Variants in ASIC2 observed in about 807,000 individuals in gnomAD.
ASIC2 encodes the protein acid-sensing ion channel 2.
A neutral mutation model predicts 57.3 loss-of-function variants in ASIC2; 25 were observed. The observed-to-expected ratio is 0.44, with a 90% CI of 0.32 to 0.61. ASIC2 has a LOEUF of 0.61. ASIC2 is among the 20% of genes least tolerant of loss of function. The pLI is 0.06. For synonymous variants in ASIC2, 319 were observed against 307.5 expected, an observed-to-expected ratio of 1.04 and a Z score of -0.39; for missense variants, 641 against 738.1, an observed-to-expected ratio of 0.87 and a Z score of 1.52.
intron 1 of ASIC2, among the ~76,000 whole-genome samples, chr17:33,594,390 A>G (rs2142006442): frequency 6.6e-6 from 1 of 152,376 alleles, no homozygotes; most frequent in East Asian, 1.9e-4. Flanking sequence ...AGTGAAGGTC[A>G]ACATTGTCTA....
intron 1 of ASIC2, among the ~76,000 whole-genome samples, chr17:33,418,723 T>C (rs1372730491): frequency 6.6e-6 from 1 of 152,202 alleles, no homozygotes; most frequent in Non-Finnish European, 1.5e-5. Context: ...TCCATTGGTC[T>C]ATATCTCTGT....
chr17:33,273,379 A>G (rs930229519), intron 1 of ASIC2, among the ~76,000 whole-genome samples: 1 of 152,210 alleles, frequency 6.6e-6, no homozygotes, highest in African/African-American at 2.4e-5. Flanking sequence ...CAAGATAGTA[A>G]GCAATCCCCT....
At chr17:33,860,230 C>T (rs182967466) in intron 1 of ASIC2, among the ~76,000 whole-genome samples, 2 of 152,212 alleles carry the variant, frequency 1.3e-5, no homozygotes, top group East Asian at 1.9e-4. Context: ...AAATGGGAGG[C>T]CTTCACCTTC....
At chr17:33,779,463 T>C (rs1165125738) in intron 1 of ASIC2, among the ~76,000 whole-genome samples, 1 of 152,224 alleles carries the variant, frequency 6.6e-6, no homozygotes, top group East Asian at 1.9e-4. Context: ...CTAGCTAACG[T>C]GCAGCTTAAT....
chr17:33,121,848 G>A (rs2092303879), intron 1 of ASIC2, among the ~76,000 whole-genome samples: 1 of 152,164 alleles, frequency 6.6e-6, no homozygotes, highest in Non-Finnish European at 1.5e-5. Context: ...GTGACTGAGA[G>A]GAGTTAGCAT....
chr17:33,375,578 G>T (rs1909246623), intron 1 of ASIC2, among the ~76,000 whole-genome samples: 1 of 152,204 alleles, frequency 6.6e-6, no homozygotes, highest in African/African-American at 2.4e-5. Context: ...CTGCTGTGTG[G>T]ACTGACTACA....
chr17:33,996,255 C>T (rs183501740), intron 1 of ASIC2, among the ~76,000 whole-genome samples: 34 of 152,246 alleles, frequency 2.2e-4, no homozygotes, highest in African/African-American at 7.0e-4. Flanking sequence ...ATATTAACCC[C>T]TTATCAGATG....
chr17:33,990,750 C>T (rs549652832), intron 1 of ASIC2, among the ~76,000 whole-genome samples: 8 of 152,206 alleles, frequency 5.3e-5, no homozygotes, highest in African/African-American at 1.9e-4. Flanking sequence ...ATGCAAGAGG[C>T]ATAAAGGGTG....
chr17:33,570,541 T>C (rs192485167), intron 1 of ASIC2, among the ~76,000 whole-genome samples: 16 of 152,370 alleles, frequency 1.1e-4, no homozygotes, highest in Admixed American at 1.3e-4. Flanking sequence ...CCAAATTTGA[T>C]GAGCATTTTC....
intron 1 of ASIC2, among the ~76,000 whole-genome samples, chr17:33,952,750 G>A (rs1054650305): frequency 6.6e-6 from 1 of 152,022 alleles, no homozygotes; most frequent in African/African-American, 2.4e-5. Context: ...TTGATAATGG[G>A]AAAAAAGTAA....
chr17:33,264,695 C>T (rs1043955107), intron 1 of ASIC2, among the ~76,000 whole-genome samples: 2 of 152,240 alleles, frequency 1.3e-5, no homozygotes, highest in Admixed American at 6.5e-5. Context: ...CACCTGAAAG[C>T]TCTGTGGGTT....
intron 1 of ASIC2, among the ~76,000 whole-genome samples, chr17:34,091,195 C>G (rs1910317861): frequency 6.6e-6 from 1 of 152,250 alleles, no homozygotes; most frequent in South Asian, 2.1e-4. Flanking sequence ...AATCTCAAAA[C>G]AGACCTGAGA....
At chr17:33,791,177 A>G (rs1911758823) in intron 1 of ASIC2, among the ~76,000 whole-genome samples, 2 of 152,182 alleles carry the variant, frequency 1.3e-5, no homozygotes, top group Admixed American at 1.3e-4. Flanking sequence ...ATGAGGATTT[A>G]TGTCAAAGTC....
At position 34,088,003 on chromosome 17, in the gene ASIC2, G is replaced by C. The variant is rs1014356145; in HGVS notation, c.555+67975C>G. The stretch of plus-strand genomic sequence containing the variant: ...GGTTTGAATTTCCTCCTGTAGCTTG[G>C]AGTAGTTTGATCATCTGAAGCCTTC... On this transcript the variant is annotated intron_variant, in intron 1 of 9. Coordinates refer to the ASIC2 transcript ENST00000359872. 4.6e-5 allele frequency among the ~76,000 whole-genome samples: 7 copies of C among 152,236 alleles called. No homozygotes were observed. The East Asian group carries it at 9.7e-4, about 21-fold the overall frequency.
At chr17:33,082,897 GCT>G (rs1210691559) in intron 3 of ASIC2, among the ~76,000 whole-genome samples, 1 of 151,432 alleles carries the variant, frequency 6.6e-6, no homozygotes, top group Admixed American at 6.6e-5. Flanking sequence ...TTCTGTGCTG[GCT>G]CTCTTATCTG....
At chr17:33,743,947 G>A (rs557871873) in intron 1 of ASIC2, among the ~76,000 whole-genome samples, 23 of 152,148 alleles carry the variant, frequency 1.5e-4, no homozygotes, top group Non-Finnish European at 2.5e-4. Flanking sequence ...CAGATCTTTC[G>A]TAGGACATGC....
At chr17:34,048,711 T>C (rs1190376296) in intron 1 of ASIC2, among the ~76,000 whole-genome samples, 2 of 152,172 alleles carry the variant, frequency 1.3e-5, no homozygotes, top group African/African-American at 4.8e-5. Context: ...ACAAGAATTG[T>C]GTAGGTTACA....
chr17:33,579,395 A>C (rs987103215), intron 1 of ASIC2, among the ~76,000 whole-genome samples: 1 of 151,834 alleles, frequency 6.6e-6, no homozygotes, highest in Non-Finnish European at 1.5e-5. Context: ...CCGCCTCATT[A>C]TTCTGGAGGG....
intron 1 of ASIC2, among the ~76,000 whole-genome samples, chr17:33,232,175 G>T (rs1908116467): frequency 6.6e-6 from 1 of 152,110 alleles, no homozygotes; most frequent in Admixed American, 6.5e-5. Flanking sequence ...TATCGTGATA[G>T]GATTAGTTTC....
Sources: gnomAD v4.1 joint callset for allele counts (sites outside exome capture counted in the v4.1 genomes callset) on GRCh38, gnomAD v4.1.1 for gene constraint, MANE v1.5 for transcripts, NCBI Gene and HGNC (gene_info 2026-07-23, HGNC 2026-07-21) for gene names.